The following NTRK3 variants were observed in gnomAD, a reference collection of about 807,000 sequenced individuals.
NTRK3 encodes NT-3 growth factor receptor.
Under a neutral mutation model 91.7 loss-of-function variants are expected in NTRK3, and 24 were observed. That is an observed-to-expected ratio of 0.26 (90% CI 0.19 to 0.37). The LOEUF (loss-of-function observed/expected upper bound fraction) is 0.37, where lower values mean the gene tolerates loss of function less well. Among genes scored for constraint, NTRK3 ranks in the 10% least tolerant of loss-of-function variants. The pLI is 1.00. For synonymous variants in NTRK3, 483 were observed against 404.0 expected (o/e 1.20, Z -2.34); for missense variants, 880 against 1,068.9 (o/e 0.82, Z 2.46).
At chr15:88,197,111 A>AAAC (rs1567627639) in intron 3 of NTRK3, among the ~76,000 whole-genome samples, 25 of 128,934 alleles carry the variant, frequency 1.9e-4, no homozygotes, top group Non-Finnish European at 2.2e-4. Flanking sequence ...AAAAAAAAAA[A>AAAC]AAAAAAAAAA....
intron 14 of NTRK3, among the ~76,000 whole-genome samples, chr15:87,970,272 ATG>A (rs2073145102): frequency 6.6e-6 from 1 of 152,158 alleles, no homozygotes; most frequent in South Asian, 2.1e-4. Flanking sequence ...TCAAGCTCTT[ATG>A]TGAAATGACT....
At chr15:87,886,952 G>A (rs1596091024) in intron 17 of NTRK3, among the ~76,000 whole-genome samples, 1 of 151,640 alleles carries the variant, frequency 6.6e-6, no homozygotes, top group Admixed American at 6.6e-5. Flanking sequence ...TATTGCACTT[G>A]GTTTGTTGAT....
chr15:88,150,721 A>C (rs2043294040), intron 5 of NTRK3, among the ~76,000 whole-genome samples: 1 of 152,198 alleles, frequency 6.6e-6, no homozygotes, highest in Admixed American at 6.5e-5. Flanking sequence ...GCCCTGCCAG[A>C]CACACAGTAG....
intron 14 of NTRK3, among the ~76,000 whole-genome samples, chr15:88,006,275 C>T (rs112393297): frequency 5.3e-5 from 8 of 152,190 alleles, no homozygotes; most frequent in Non-Finnish European, 8.8e-5. Context: ...GAGTGTTCCT[C>T]GGGAAAGGGA....
At chr15:88,011,321 A>G (rs1017757) in intron 14 of NTRK3, among the ~76,000 whole-genome samples, 38,510 of 152,086 alleles carry the variant, frequency 0.25, 7,661 homozygotes, top group African/African-American at 0.56. Flanking sequence ...AAGAAATCAA[A>G]ATAGACAGGA....
chr15:87,895,572 C>A (rs2141603383), intron 17 of NTRK3, among the ~76,000 whole-genome samples: 1 of 152,292 alleles, frequency 6.6e-6, no homozygotes, highest in Middle Eastern at 3.4e-3. Context: ...CCTGCAAAGT[C>A]TCTCGTGGGA....
At chr15:88,114,006 C>T (rs116016189) in intron 13 of NTRK3, among the ~76,000 whole-genome samples, 1 of 140,176 alleles carries the variant, frequency 7.1e-6, no homozygotes, top group Non-Finnish European at 1.6e-5. Context: ...TTAATCAGTA[C>T]CCCCCCCACC....
intron 17 of NTRK3, chr15:87,885,695 T>A (rs2065493709): frequency 1.4e-6 from 2 of 1,395,078 alleles, no homozygotes; most frequent in Admixed American, 2.5e-5. Flanking sequence ...GATACCTACC[T>A]CACACCATAT....
chr15:88,135,485 G>T, intron 9 of NTRK3, 88 bp from the exon 10 acceptor site: 1 of 1,432,822 alleles, frequency 7.0e-7, no homozygotes. Flanking sequence ...GGGAATCCCG[G>T]TTCTTCCCCA....
At chr15:88,135,329 G>A (rs758189455) in exon 10 of NTRK3, 21 of 1,614,050 alleles carry the variant, frequency 1.3e-5, no homozygotes, top group East Asian at 8.9e-5. Context: ...GGGTTGCCAC[G>A]CACCACAAAC....
chr15:88,099,211 T>C, intron 13 of NTRK3: 1 of 229,486 alleles, frequency 4.4e-6, no homozygotes, highest in Non-Finnish European at 8.6e-6. Flanking sequence ...AGTAGAAAGA[T>C]GGCAGCAACT....
At chr15:88,045,719 A>C (rs960714038) in intron 13 of NTRK3, among the ~76,000 whole-genome samples, 8 of 152,136 alleles carry the variant, frequency 5.3e-5, no homozygotes, top group Non-Finnish European at 5.9e-5. Flanking sequence ...GCCTCCACCA[A>C]GCTTCTGTTG....
At chr15:88,008,081 A>G (rs2141715765) in intron 14 of NTRK3, among the ~76,000 whole-genome samples, 1 of 152,296 alleles carries the variant, frequency 6.6e-6, no homozygotes, top group East Asian at 1.9e-4. Flanking sequence ...TTCAGAAGAG[A>G]AGTGTCCCCT....
chr15:88,207,168 G>C (rs1294750660), intron 3 of NTRK3, among the ~76,000 whole-genome samples: 1 of 152,158 alleles, frequency 6.6e-6, no homozygotes, highest in Non-Finnish European at 1.5e-5. Context: ...CAGGTTGCTT[G>C]ACCCTAACAG....
At chr15:88,210,230 T>C (rs2049124732) in intron 3 of NTRK3, 1 of 152,140 alleles carries the variant, frequency 6.6e-6, no homozygotes, top group South Asian at 2.1e-4. Flanking sequence ...AGGGAGGGCC[T>C]CTCAAAGGGA....
At chr15:87,898,931 C>T (rs2066292953) in intron 17 of NTRK3, among the ~76,000 whole-genome samples, 1 of 152,004 alleles carries the variant, frequency 6.6e-6, no homozygotes, top group Non-Finnish European at 1.5e-5. Context: ...TCAATCCAGT[C>T]CCTCATCTTA....
intron 3 of NTRK3, among the ~76,000 whole-genome samples, chr15:88,213,282 G>A (rs1248506088): frequency 6.6e-6 from 1 of 152,186 alleles, no homozygotes; most frequent in Non-Finnish European, 1.5e-5. Context: ...AAGCCCCCCA[G>A]CTGTTAGGTT....
exon 19 of NTRK3, chr15:87,865,311 T>C (rs917274324): frequency 2.4e-5 from 5 of 209,126 alleles, no homozygotes; most frequent in Non-Finnish European, 3.9e-5. Flanking sequence ...GTACTTATAA[T>C]AGTGGCTTGT....
exon 19 of NTRK3, chr15:87,861,554 T>A (rs1041591209): frequency 2.6e-5 from 5 of 195,232 alleles, no homozygotes; most frequent in Non-Finnish European, 5.3e-5. Flanking sequence ...TTACTTCCAG[T>A]TTTAGCTGGA....
Sources: allele counts gnomAD v4.1 joint callset (sites outside exome capture counted in the v4.1 genomes callset), GRCh38; gene constraint gnomAD v4.1.1; transcripts MANE v1.5; gene names NCBI Gene and HGNC (gene_info 2026-07-23, HGNC 2026-07-21).